RBFOX1: variants seen among roughly 807,000 people sequenced by gnomAD.
The protein encoded by RBFOX1 is RNA binding protein fox-1 homolog 1.
A neutral mutation model predicts 57.7 loss-of-function variants in RBFOX1; 8 were observed. The observed-to-expected ratio is 0.14, with a 90% CI of 0.08 to 0.25. The LOEUF is 0.25. Ranked by LOEUF, RBFOX1 falls within the 10% of genes least tolerant of loss-of-function variation. RBFOX1 has a pLI of 1.00. For missense variants in RBFOX1, 611 were observed against 548.5 expected, an observed-to-expected ratio of 1.11 and a Z score of -1.14; for synonymous variants, 326 against 222.4, an observed-to-expected ratio of 1.47 and a Z score of -4.15.
chr16:6,919,888 A>G (rs946791242), intron 3 of RBFOX1, among the ~76,000 whole-genome samples: 1 of 150,506 alleles, frequency 6.6e-6, no homozygotes, highest in South Asian at 2.1e-4. Context: ...CCATCACCTG[A>G]GCAGTGTACA....
chr16:7,450,392 CAAAAAAAAAAAA>C (rs57188328), intron 4 of RBFOX1, among the ~76,000 whole-genome samples: 1 of 69,578 alleles, frequency 1.4e-5, no homozygotes. Context: ...GACTCTGTCT[CAAAAAAAAAAAA>C]AAAAAAAAAA....
At chr16:7,234,377 G>C (rs1229783925) in intron 4 of RBFOX1, among the ~76,000 whole-genome samples, 1 of 152,048 alleles carries the variant, frequency 6.6e-6, no homozygotes, top group Non-Finnish European at 1.5e-5. Flanking sequence ...CCACCCCTTT[G>C]CCAGCAAAAC....
At chr16:5,873,176 C>A (rs1429246957) in intron 4 of RBFOX1, among the ~76,000 whole-genome samples, 1 of 152,002 alleles carries the variant, frequency 6.6e-6, no homozygotes, top group Non-Finnish European at 1.5e-5. Flanking sequence ...ACAACAACAA[C>A]AACAACAACA....
intron 2 of RBFOX1, among the ~76,000 whole-genome samples, chr16:6,380,627 T>C (rs1435334131): frequency 6.6e-6 from 1 of 152,006 alleles, no homozygotes; most frequent in Non-Finnish European, 1.5e-5. Context: ...ATATGTCTTT[T>C]GTTTTTTCTT....
intron 3 of RBFOX1, among the ~76,000 whole-genome samples, chr16:5,850,292 G>A (rs2056862939): frequency 6.6e-6 from 1 of 152,186 alleles, no homozygotes; most frequent in Non-Finnish European, 1.5e-5. Context: ...GAGAGAAAGG[G>A]AAAAGGTAAG....
At position 6,974,485 on chromosome 16, in the gene RBFOX1, C is replaced by A. The variant is rs149995001; in HGVS notation, c.-15-77572C>A. 1.9e-3 allele frequency among the ~76,000 whole-genome samples: 287 copies of A among 151,834 alleles called. 2 individuals are homozygous for A. The highest frequency in any genetic ancestry group is 6.9e-3 in the African/African-American group (285 of 41,404). Reference sequence around the variant, plus strand: ...TCAGCCTCCCAAGTAGCTGAGATAACAGGTGCGTGCCACCACGCCCAGCTA... The same window carrying A: ...TCAGCCTCCCAAGTAGCTGAGATAAAAGGTGCGTGCCACCACGCCCAGCTA... On this transcript the variant is annotated intron_variant, in intron 3 of 15. Coordinates refer to ENST00000550418, the MANE Select transcript of RBFOX1 (RefSeq NM_018723.4).
At chr16:6,610,916 T>G (rs915000637) in intron 2 of RBFOX1, among the ~76,000 whole-genome samples, 1 of 152,196 alleles carries the variant, frequency 6.6e-6, no homozygotes, top group African/African-American at 2.4e-5. Flanking sequence ...CATATCTTAA[T>G]ATATAGTAGA....
chr16:7,490,670 G>C lies in RBFOX1; in HGVS notation c.28-27477G>C, dbSNP rs115947461. On this transcript the variant is annotated intron_variant, in intron 4 of 15. Transcript: ENST00000550418. ...AGAAAACAGATTGTAACTATGGTCT[G>C]TGCTAGTTCATAAGTCCAAGTTCAA... Among the ~76,000 whole-genome samples the C allele has an allele frequency of 2.2e-3, 341 of 152,336 alleles. 3 individuals carry two copies. Among genetic ancestry groups the C allele is most frequent in the African/African-American group, 7.8e-3 (326 of 41,582 alleles).
chr16:5,751,461 G>C (rs116468283), intron 3 of RBFOX1, among the ~76,000 whole-genome samples: 10 of 152,178 alleles, frequency 6.6e-5, no homozygotes, highest in Non-Finnish European at 1.5e-4. Flanking sequence ...ATCCACTGTA[G>C]ACTTCTGCTT....
intron 2 of RBFOX1, among the ~76,000 whole-genome samples, chr16:6,364,772 C>T (rs1303874723): frequency 1.3e-5 from 2 of 152,134 alleles, no homozygotes; most frequent in African/African-American, 4.8e-5. Context: ...TAAGAAATAC[C>T]TTGTGGGTGG....
intron 3 of RBFOX1, among the ~76,000 whole-genome samples, chr16:6,966,532 G>C (rs1243065147): frequency 6.6e-6 from 1 of 152,104 alleles, no homozygotes; most frequent in Non-Finnish European, 1.5e-5. Flanking sequence ...AAGACTGAGA[G>C]AGATGGATCG....
chr16:5,676,215 A>C (rs2050165048), intron 3 of RBFOX1, among the ~76,000 whole-genome samples: 1 of 152,014 alleles, frequency 6.6e-6, no homozygotes, highest in African/African-American at 2.4e-5. Context: ...TATGCGACAA[A>C]CCTGCACGTT....
intron 4 of RBFOX1, among the ~76,000 whole-genome samples, chr16:7,350,997 G>A (rs1452235853): frequency 6.6e-6 from 1 of 152,238 alleles, no homozygotes; most frequent in East Asian, 1.9e-4. Context: ...TATCAAAGCT[G>A]TAAGCAACAT....
At chr16:6,586,750 A>G (rs995721585) in intron 2 of RBFOX1, among the ~76,000 whole-genome samples, 1 of 152,194 alleles carries the variant, frequency 6.6e-6, no homozygotes, top group African/African-American at 2.4e-5. Context: ...TCAGTGGTTC[A>G]GGATAAGTCC....
intron 4 of RBFOX1, among the ~76,000 whole-genome samples, chr16:7,407,703 G>C (rs1403556733): frequency 6.6e-6 from 1 of 152,162 alleles, no homozygotes; most frequent in Non-Finnish European, 1.5e-5. Flanking sequence ...ATACAATGCT[G>C]GTTGATATGC....
At chr16:5,842,591 A>G (rs966207838) in intron 3 of RBFOX1, among the ~76,000 whole-genome samples, 77 of 152,194 alleles carry the variant, frequency 5.1e-4, no homozygotes, top group African/African-American at 1.8e-3. Context: ...AGGCAAGTGT[A>G]TGTCTGGCTC....
At chr16:7,411,668 C>T (rs368691450) in intron 4 of RBFOX1, among the ~76,000 whole-genome samples, 3 of 152,090 alleles carry the variant, frequency 2.0e-5, no homozygotes, top group Non-Finnish European at 4.4e-5. Context: ...CTTTGGGTGG[C>T]CAAGGTGGGT....
At chr16:5,348,446 A>G (rs1381921237) in intron 1 of RBFOX1, among the ~76,000 whole-genome samples, 1 of 152,242 alleles carries the variant, frequency 6.6e-6, no homozygotes, top group African/African-American at 2.4e-5. Context: ...CATATGAAGT[A>G]GGCACTATTA....
chr16:5,284,387 C>G (rs576978192), intron 1 of RBFOX1, among the ~76,000 whole-genome samples: 8 of 152,054 alleles, frequency 5.3e-5, no homozygotes, highest in Non-Finnish European at 1.2e-4. Flanking sequence ...TGTGTCTGCT[C>G]TATCAGAGAG....
Sources: gnomAD v4.1 joint callset for allele counts (sites outside exome capture counted in the v4.1 genomes callset) on GRCh38, gnomAD v4.1.1 for gene constraint, MANE v1.5 for transcripts, NCBI Gene and HGNC (gene_info 2026-07-23, HGNC 2026-07-21) for gene names.